Variants in SHROOM3 observed in about 807,000 individuals in gnomAD.
SHROOM3 encodes the protein protein Shroom3.
SHROOM3 carries 47 observed loss-of-function variants against 138.6 expected under a neutral mutation model. The observed-to-expected ratio is 0.34, with a 90% confidence interval of 0.27 to 0.43. The LOEUF is 0.43. Among genes scored for constraint, SHROOM3 ranks in the 20% least tolerant of loss-of-function variants. The pLI is 1.00. For missense variants in SHROOM3, 2,491 were observed against 2,596.5 expected (o/e 0.96, Z 0.88); for synonymous variants, 1,062 against 1,063.3 (o/e 1.00, Z 0.02).
intron 1 of SHROOM3, among the ~76,000 whole-genome samples, chr4:76,529,515 C>T (rs963735843): frequency 3.3e-5 from 5 of 152,006 alleles, no homozygotes; most frequent in Non-Finnish European, 7.4e-5. Flanking sequence ...TTAGTAGACA[C>T]GGGGTTTCAC....
chr4:76,603,887 G>A (rs978945107), intron 2 of SHROOM3, among the ~76,000 whole-genome samples: 1 of 142,062 alleles, frequency 7.0e-6, no homozygotes, highest in Admixed American at 7.5e-5. Context: ...CTGTCTCCCA[G>A]GCTGGAGTGC....
At chr4:76,640,035 G>T (rs764464235) in intron 2 of SHROOM3, among the ~76,000 whole-genome samples, 1 of 151,936 alleles carries the variant, frequency 6.6e-6, no homozygotes, top group Non-Finnish European at 1.5e-5. Context: ...GTTTATTTTA[G>T]ATTTTAGCTC....
chr4:76,568,864 A>G lies in SHROOM3; in HGVS notation c.323+13101A>G, dbSNP rs148211711. Among the ~76,000 whole-genome samples, 368 of 152,356 alleles carry G rather than the reference A, an allele frequency of 2.4e-3. 1 individual carries two copies. Among genetic ancestry groups the G allele is most frequent in the Non-Finnish European group, 3.6e-3 (246 of 68,028 alleles). Reference sequence around the variant, plus strand: ...CTTTAAATCTGATAGAATTTGGTTTACAACCCTGCCCGTTCTGTGAGATCT... The same window carrying G: ...CTTTAAATCTGATAGAATTTGGTTTGCAACCCTGCCCGTTCTGTGAGATCT... On this transcript the variant is annotated intron_variant, in intron 2 of 10. Transcript: ENST00000296043.
At chr4:76,518,733 T>G (rs931580185) in intron 1 of SHROOM3, among the ~76,000 whole-genome samples, 2 of 152,210 alleles carry the variant, frequency 1.3e-5, no homozygotes, top group Non-Finnish European at 1.5e-5. Context: ...CCTGTTCCTG[T>G]GTACTCTCTC....
chr4:76,488,401 T>C (rs961710221), intron 1 of SHROOM3, among the ~76,000 whole-genome samples: 13 of 152,320 alleles, frequency 8.5e-5, no homozygotes, highest in African/African-American at 2.6e-4. Flanking sequence ...CTTAGTGGCA[T>C]GTATACTTGA....
rs562677687 is a variant in SHROOM3, at chr4:76,507,125, A to G, written c.169-48484A>G. Among the ~76,000 whole-genome samples, 9 of 152,334 alleles carry G rather than the reference A, an allele frequency of 5.9e-5. No individual in the cohort carries two copies. In the South Asian group the frequency reaches 1.7e-3, roughly 28 times the overall value. On this transcript the variant is annotated intron_variant, in intron 1 of 10. Transcript: ENST00000296043. ...TTTGCAATGATAATGGAGTTATCAC[A>G]TAACTTTATGCAACAAGGAAGAAGA...
chr4:76,644,828 C>T (rs540246757), intron 2 of SHROOM3, among the ~76,000 whole-genome samples: 23 of 152,236 alleles, frequency 1.5e-4, no homozygotes, highest in African/African-American at 5.1e-4. Context: ...TACCTCAATG[C>T]CATTTTTGTT....
At chr4:76,512,827 C>G (rs1366114171) in intron 1 of SHROOM3, among the ~76,000 whole-genome samples, 1 of 152,128 alleles carries the variant, frequency 6.6e-6, no homozygotes, top group East Asian at 1.9e-4. Context: ...ATATGACCAA[C>G]TGGGGTGAGC....
intron 2 of SHROOM3, among the ~76,000 whole-genome samples, chr4:76,694,756 A>C (rs1719670989): frequency 6.6e-6 from 1 of 152,218 alleles, no homozygotes; most frequent in Non-Finnish European, 1.5e-5. Context: ...CTAGGCTGGC[A>C]CCTGATAGGT....
Position 76,740,933 on chromosome 4 carries a change from C to A in SHROOM3, c.2760C>A (p.Phe920Leu). Residue 920 changes from phenylalanine to leucine, a missense_variant, in exon 5 of 11, where the codon TTC (phenylalanine) becomes TTA (leucine). Coordinates refer to ENST00000296043, the MANE Select transcript of SHROOM3 (RefSeq NM_020859.4). The surrounding 1 kb of genome is among the most constrained non-coding windows in gnomAD (Gnocchi z 4.0). ...SPESPLLDAPFSRAYRNSIKD... is the reference protein window; with the variant it reads ...SPESPLLDAPLSRAYRNSIKD... Reference sequence around the variant, plus strand: ...AATCGCCCCTGCTGGATGCCCCCTTCAGCCGCGCCTACCGGAACAGCATCA... The same window carrying A: ...AATCGCCCCTGCTGGATGCCCCCTTAAGCCGCGCCTACCGGAACAGCATCA... The A allele has an allele frequency of 1.3e-6, 2 of 1,497,794 alleles. No homozygotes were observed. The highest frequency in any genetic ancestry group is 1.8e-6 in the Non-Finnish European group (2 of 1,126,798). 92.8% of individuals were successfully genotyped at this position (1,497,794 alleles called of 1,614,324 possible).
chr4:76,468,572 G>A (rs1250348697), intron 1 of SHROOM3, among the ~76,000 whole-genome samples: 3 of 150,744 alleles, frequency 2.0e-5, no homozygotes, highest in African/African-American at 7.3e-5. Context: ...TAATTATTAT[G>A]ATAATTAAAG....
intron 2 of SHROOM3, among the ~76,000 whole-genome samples, chr4:76,557,320 G>T (rs1733506518): frequency 6.6e-6 from 1 of 151,002 alleles, no homozygotes; most frequent in Non-Finnish European, 1.5e-5. Flanking sequence ...CAGCAATGTA[G>T]ATGAACCTGG....
At chr4:76,555,487 G>A in intron 1 of SHROOM3, 122 bp from the exon 2 acceptor site, 1 of 1,414,240 alleles carries the variant, frequency 7.1e-7, no homozygotes, top group South Asian at 1.2e-5. Context: ...GCAAGCGCTG[G>A]GGTGTGGCCC....
intron 4 of SHROOM3, among the ~76,000 whole-genome samples, chr4:76,733,284 C>T (rs2110129735): frequency 6.6e-6 from 1 of 152,330 alleles, no homozygotes; most frequent in East Asian, 1.9e-4. Flanking sequence ...TTTGCTTCTG[C>T]ACCTCCTCCT....
chr4:76,582,787 A>C (rs1367297615), intron 2 of SHROOM3, among the ~76,000 whole-genome samples: 1 of 152,226 alleles, frequency 6.6e-6, no homozygotes, highest in Non-Finnish European at 1.5e-5. Flanking sequence ...AAGGATGAGG[A>C]ACAGAGCCTT....
chr4:76,681,032 ATAAAG>A (rs1234069309), intron 2 of SHROOM3, among the ~76,000 whole-genome samples: 2 of 152,236 alleles, frequency 1.3e-5, no homozygotes, highest in African/African-American at 4.8e-5. Context: ...TGCCTACAAA[ATAAAG>A]TACAGATCTT....
At chr4:76,694,814 C>G (rs1719673473) in intron 2 of SHROOM3, among the ~76,000 whole-genome samples, 1 of 152,198 alleles carries the variant, frequency 6.6e-6, no homozygotes, top group Non-Finnish European at 1.5e-5. Context: ...CAAGCACTGT[C>G]TAATACGTTT....
chr4:76,655,106 A>T (rs1736038149), intron 2 of SHROOM3, among the ~76,000 whole-genome samples: 1 of 152,230 alleles, frequency 6.6e-6, no homozygotes, highest in Non-Finnish European at 1.5e-5. Context: ...AATGAAAATT[A>T]TACTAATATA....
At chr4:76,761,786 G>T (rs115455080) in intron 9 of SHROOM3, among the ~76,000 whole-genome samples, 2,201 of 152,254 alleles carry the variant, frequency 0.014, 26 homozygotes, top group Non-Finnish European at 0.017. Flanking sequence ...AGTGCCTTTT[G>T]GGGGAGTCAC....
Sources: gnomAD v4.1 joint callset for allele counts (sites outside exome capture counted in the v4.1 genomes callset) on GRCh38, gnomAD v4.1.1 for gene constraint, Gnocchi (gnomAD v3.1) non-coding constraint, MANE v1.5 for transcripts, NCBI Gene and HGNC (gene_info 2026-07-23, HGNC 2026-07-21) for gene names.